Variants in CDHR3 observed in about 807,000 individuals in gnomAD.
CDHR3 encodes cadherin related family member 3, also known as cadherin-related family member 3.
CDHR3 carries 79 observed loss-of-function variants against 86.6 expected under a neutral mutation model. The observed-to-expected ratio is 0.91, with a 90% CI of 0.76 to 1.10. The LOEUF (loss-of-function observed/expected upper bound fraction) is 1.10. Among genes scored for constraint, CDHR3 ranks in the 50% least tolerant of loss-of-function variants. The pLI is 0.00. For missense variants in CDHR3, 1,081 were observed against 1,077.6 expected (o/e 1.00, Z -0.04); for synonymous variants, 421 against 402.4 (o/e 1.05, Z -0.55).
At position 106,021,161 on chromosome 7, in the gene CDHR3, T is replaced by A. The variant is rs192187564; in HGVS notation, c.1825+617T>A. ...ATCTTCTGTCTTTAAAAATATACCA[T>A]CGTAGGGAAAAAAGAGCACCCCTCA... On this transcript the variant is annotated intron_variant, in intron 13 of 18. Transcript: ENST00000317716. Among the ~76,000 whole-genome samples the A allele has an allele frequency of 3.9e-5, 6 of 152,084 alleles. No individual in the cohort carries two copies. The East Asian group carries it at 9.7e-4, about 25-fold the overall frequency.
chr7:106,011,050 T>C (rs756065147), intron 8 of CDHR3, among the ~76,000 whole-genome samples: 5 of 152,168 alleles, frequency 3.3e-5, no homozygotes, highest in Non-Finnish European at 7.3e-5. Flanking sequence ...CTGAGGCCGA[T>C]GGTCAGTTAT....
chr7:105,976,748 G>A (rs186230202), intron 2 of CDHR3, among the ~76,000 whole-genome samples: 90 of 152,230 alleles, frequency 5.9e-4, no homozygotes, highest in African/African-American at 2.1e-3. Context: ...TTAGCATAAG[G>A]TTCCAAGGGT....
intron 3 of CDHR3, among the ~76,000 whole-genome samples, chr7:105,983,959 G>A (rs761017937): frequency 1.3e-5 from 2 of 152,174 alleles, no homozygotes; most frequent in Non-Finnish European, 2.9e-5. Context: ...CAGAGGACAT[G>A]AATGAAGACT....
At chr7:105,983,544 A>G (rs892579152) in intron 3 of CDHR3, among the ~76,000 whole-genome samples, 11 of 152,220 alleles carry the variant, frequency 7.2e-5, no homozygotes, top group African/African-American at 2.7e-4. Flanking sequence ...CATATTGTCC[A>G]TCATCACTGG....
At chr7:106,018,151 T>A in intron 12 of CDHR3, 79 bp downstream of exon 12, 1 of 1,160,696 alleles carries the variant, frequency 8.6e-7, no homozygotes, top group Non-Finnish European at 1.2e-6. Flanking sequence ...AGAGTGTGGA[T>A]GTGGCAATGA....
intron 2 of CDHR3, among the ~76,000 whole-genome samples, 153 bp downstream of exon 2, chr7:105,975,199 C>T (rs1388995503): frequency 6.6e-6 from 1 of 152,152 alleles, no homozygotes; most frequent in East Asian, 1.9e-4. Context: ...CATCCCAGGG[C>T]CTTCTGTGCT....
At chr7:106,027,742 A>T (rs527500368) in intron 16 of CDHR3, 164 of 423,414 alleles carry the variant, frequency 3.9e-4, no homozygotes, top group Non-Finnish European at 6.3e-4. Context: ...CAGGGTTAGA[A>T]ATTTGATTAT....
chr7:105,982,191 G>C (rs536028908), intron 3 of CDHR3, among the ~76,000 whole-genome samples: 1 of 152,148 alleles, frequency 6.6e-6, no homozygotes, highest in African/African-American at 2.4e-5. Context: ...ATTAAAGGCC[G>C]GGCGCGGTGG....
At chr7:106,007,229 G>C (rs960433872) in intron 8 of CDHR3, among the ~76,000 whole-genome samples, 7 of 152,222 alleles carry the variant, frequency 4.6e-5, no homozygotes, top group Non-Finnish European at 5.9e-5. Flanking sequence ...CTCTGGGCCT[G>C]TGATGGGAGT....
intron 14 of CDHR3, among the ~76,000 whole-genome samples, chr7:106,022,772 T>G (rs1836771817): frequency 6.6e-6 from 1 of 152,186 alleles, no homozygotes; most frequent in Non-Finnish European, 1.5e-5. Flanking sequence ...TCCATGGGCA[T>G]GCTGCCAGTT....
At chr7:106,004,240 G>C (rs572197347) in intron 7 of CDHR3, among the ~76,000 whole-genome samples, 1 of 152,318 alleles carries the variant, frequency 6.6e-6, no homozygotes, top group South Asian at 2.1e-4. Flanking sequence ...CACCAGTCCA[G>C]TCCACTCTGG....
intron 3 of CDHR3, among the ~76,000 whole-genome samples, chr7:105,983,028 C>T (rs1830004120): frequency 6.6e-6 from 1 of 152,100 alleles, no homozygotes; most frequent in African/African-American, 2.4e-5. Flanking sequence ...ATGTCCTTCC[C>T]CGCTACAGTT....
intron 7 of CDHR3, among the ~76,000 whole-genome samples, chr7:106,003,193 A>T (rs748853893): frequency 1.1e-4 from 16 of 151,492 alleles, no homozygotes; most frequent in Admixed American, 2.0e-4. Flanking sequence ...TTTGGTACCG[A>T]GTCTTGGAAG....
chr7:106,000,028 G>A (rs1008340189), intron 6 of CDHR3, among the ~76,000 whole-genome samples: 11 of 152,358 alleles, frequency 7.2e-5, no homozygotes, highest in African/African-American at 1.7e-4. Context: ...GCCTGGGGGC[G>A]CTGGGGCCAT....
intron 3 of CDHR3, among the ~76,000 whole-genome samples, chr7:105,983,972 G>A (rs1380928559): frequency 6.6e-6 from 1 of 152,152 alleles, no homozygotes; most frequent in Non-Finnish European, 1.5e-5. Context: ...TGAAGACTTG[G>A]TACCAGCTTG....
intron 8 of CDHR3, among the ~76,000 whole-genome samples, chr7:106,005,242 AGATACAAGTGG>A (rs944432218): frequency 6.6e-5 from 10 of 152,398 alleles, no homozygotes; most frequent in Admixed American, 3.3e-4. Context: ...GAAAAAATGC[AGATACAAGTGG>A]GATACAAGTG....
chr7:105,993,823 G>A (rs1831764791), intron 4 of CDHR3, among the ~76,000 whole-genome samples: 1 of 152,128 alleles, frequency 6.6e-6, no homozygotes, highest in Non-Finnish European at 1.5e-5. Context: ...GGGTGGCACG[G>A]GCATGGTCTT....
chr7:105,987,634 G>A (rs1220703011), intron 4 of CDHR3, among the ~76,000 whole-genome samples: 2 of 152,156 alleles, frequency 1.3e-5, no homozygotes, highest in Non-Finnish European at 2.9e-5. Context: ...GAACACGGAT[G>A]TCTGTGTCCC....
chr7:105,986,047 C>T (rs747884904), intron 4 of CDHR3, among the ~76,000 whole-genome samples: 1 of 152,190 alleles, frequency 6.6e-6, no homozygotes, highest in Non-Finnish European at 1.5e-5. Context: ...TGCTGCACCT[C>T]CCGGATTTAC....
Sources: gnomAD v4.1 joint callset for allele counts (sites outside exome capture counted in the v4.1 genomes callset) on GRCh38, gnomAD v4.1.1 for gene constraint, MANE v1.5 for transcripts, NCBI Gene and HGNC (gene_info 2026-07-23, HGNC 2026-07-21) for gene names.